The following TMEM74 variants were observed in gnomAD, a reference collection of about 807,000 sequenced individuals.
TMEM74 encodes transmembrane protein 74.
A neutral mutation model predicts 18.1 loss-of-function variants in TMEM74; 13 were observed. The observed-to-expected ratio is 0.72, with a 90% CI of 0.47 to 1.14. TMEM74 has a LOEUF of 1.14. Among genes scored for constraint, TMEM74 ranks in the 50% most tolerant of loss-of-function variants. The probability of loss-of-function intolerance (pLI) is 0.00; values close to 1 mark genes in which losing one functional copy is unlikely to be tolerated. For synonymous variants in TMEM74, 159 were observed against 146.6 expected (o/e 1.08, Z -0.61); for missense variants, 372 against 375.9 (o/e 0.99, Z 0.09).
chr8:108,727,421 A>G (rs992679368), intron 1 of TMEM74, among the ~76,000 whole-genome samples: 1 of 152,214 alleles, frequency 6.6e-6, no homozygotes, highest in Non-Finnish European at 1.5e-5. Context: ...CATAGAGTCA[A>G]GAGAACTTGC....
Position 108,629,733 on chromosome 8 carries a change from A to T in TMEM74, n.265-20907T>A, listed in dbSNP as rs550727046. 3.3e-3 allele frequency among the ~76,000 whole-genome samples: 507 copies of T among 152,080 alleles called. 1 individual carries two copies. The highest frequency in any genetic ancestry group is 5.4e-3 in the Non-Finnish European group (364 of 67,922). ...CCCAGAATTTTATATCTGGTCAAACAAAGCTTTATAAGCAAAGGAGAAATA... is the reference window on the plus strand; with the variant it reads ...CCCAGAATTTTATATCTGGTCAAACTAAGCTTTATAAGCAAAGGAGAAATA... On this transcript the variant is annotated intron_variant and non_coding_transcript_variant, in intron 2 of 3. Coordinates refer to the TMEM74 transcript ENST00000518838.
chr8:108,644,269 A>G (rs1812694254), intron 2 of TMEM74, among the ~76,000 whole-genome samples: 1 of 152,222 alleles, frequency 6.6e-6, no homozygotes, highest in Non-Finnish European at 1.5e-5. Flanking sequence ...TCCCTGTTCA[A>G]TAAATGCTGT....
At chr8:108,738,541 C>T (rs932714718) in intron 1 of TMEM74, among the ~76,000 whole-genome samples, 1 of 152,172 alleles carries the variant, frequency 6.6e-6, no homozygotes, top group African/African-American at 2.4e-5. Context: ...AGGCATTACA[C>T]CTGTTTCTGT....
intron 2 of TMEM74, among the ~76,000 whole-genome samples, chr8:108,627,927 T>C (rs1055184171): frequency 6.6e-6 from 1 of 151,888 alleles, no homozygotes; most frequent in Non-Finnish European, 1.5e-5. Flanking sequence ...TGGTGGTGCA[T>C]GCCTGTAATC....
At chr8:108,662,180 G>A (rs932187984) in intron 1 of TMEM74, among the ~76,000 whole-genome samples, 2 of 151,994 alleles carry the variant, frequency 1.3e-5, no homozygotes, top group African/African-American at 4.8e-5. Flanking sequence ...AGGTGGAAAA[G>A]TTGAGGAGGT....
intron 1 of TMEM74, among the ~76,000 whole-genome samples, chr8:108,676,091 A>C (rs193274086): frequency 3.3e-5 from 5 of 152,266 alleles, no homozygotes; most frequent in Admixed American, 1.3e-4. Flanking sequence ...AAAGAGGAGG[A>C]TATTCAAGGG....
intron 1 of TMEM74, among the ~76,000 whole-genome samples, chr8:108,739,263 C>T (rs973968693): frequency 3.3e-5 from 5 of 152,104 alleles, no homozygotes. Flanking sequence ...CTGAAAGTAA[C>T]ACAAGATAAA....
chr8:108,667,738 C>T (rs1036510059), intron 1 of TMEM74, among the ~76,000 whole-genome samples: 1 of 152,082 alleles, frequency 6.6e-6, no homozygotes, highest in African/African-American at 2.4e-5. Context: ...GAATTCCTAG[C>T]TCTAATTCAT....
chr8:108,736,463 T>C (rs182047937), intron 1 of TMEM74, among the ~76,000 whole-genome samples: 1 of 152,278 alleles, frequency 6.6e-6, no homozygotes. Context: ...GTTATTAGTC[T>C]ACATGCCACT....
At chr8:108,718,110 C>T (rs1039625497) in intron 1 of TMEM74, among the ~76,000 whole-genome samples, 2 of 111,198 alleles carry the variant, frequency 1.8e-5, no homozygotes, top group Admixed American at 8.7e-5. Flanking sequence ...AGGCGCCCGC[C>T]ACTACGCCCG....
At chr8:108,759,808 G>A (rs1814020442) in intron 1 of TMEM74, among the ~76,000 whole-genome samples, 1 of 152,108 alleles carries the variant, frequency 6.6e-6, no homozygotes, top group Non-Finnish European at 1.5e-5. Flanking sequence ...TATATGCTTT[G>A]TACAAAAATG....
chr8:108,757,816 A>G (rs1813995035), intron 1 of TMEM74, among the ~76,000 whole-genome samples: 1 of 151,944 alleles, frequency 6.6e-6, no homozygotes, highest in African/African-American at 2.4e-5. Flanking sequence ...AATCAGGAGA[A>G]ATGTCCCCTT....
intron 1 of TMEM74, among the ~76,000 whole-genome samples, chr8:108,699,557 CA>C (rs1372647781): frequency 6.6e-6 from 1 of 152,002 alleles, no homozygotes; most frequent in African/African-American, 2.4e-5. Flanking sequence ...ATTTGGGGAA[CA>C]ATTATATTGA....
intron 1 of TMEM74, among the ~76,000 whole-genome samples, chr8:108,677,319 T>C (rs1563523285): frequency 6.6e-6 from 1 of 152,140 alleles, no homozygotes; most frequent in East Asian, 1.9e-4. Context: ...TAAACAAATG[T>C]GTTAATACTG....
intron 1 of TMEM74, among the ~76,000 whole-genome samples, chr8:108,685,494 T>C (rs193024251): frequency 4.6e-5 from 7 of 152,220 alleles, no homozygotes; most frequent in Admixed American, 3.9e-4. Flanking sequence ...GAAGTCAAGC[T>C]AAAAATAAGT....
intron 1 of TMEM74, among the ~76,000 whole-genome samples, chr8:108,680,588 T>C (rs1021762713): frequency 2.0e-5 from 3 of 152,166 alleles, no homozygotes; most frequent in African/African-American, 4.8e-5. Context: ...CTGGAAGCAT[T>C]CCCTTTGAAA....
At chr8:108,676,902 G>C (rs960856763) in intron 1 of TMEM74, among the ~76,000 whole-genome samples, 1 of 152,172 alleles carries the variant, frequency 6.6e-6, no homozygotes, top group African/African-American at 2.4e-5. Flanking sequence ...CTGAATGAAA[G>C]AATCAATAAA....
intron 1 of TMEM74, among the ~76,000 whole-genome samples, chr8:108,680,394 A>C (rs1306439912): frequency 2.6e-5 from 4 of 152,246 alleles, no homozygotes; most frequent in Non-Finnish European, 5.9e-5. Flanking sequence ...TCCAGCATAT[A>C]AACAGAACCA....
At chr8:108,650,119 G>T (rs1812759341) in intron 2 of TMEM74, among the ~76,000 whole-genome samples, 1 of 151,958 alleles carries the variant, frequency 6.6e-6, no homozygotes, top group African/African-American at 2.4e-5. Flanking sequence ...ATCTCTACTG[G>T]GTATCCAATA....
Sources: allele counts gnomAD v4.1 joint callset (sites outside exome capture counted in the v4.1 genomes callset), GRCh38; gene constraint gnomAD v4.1.1; transcripts MANE v1.5; gene names NCBI Gene and HGNC (gene_info 2026-07-23, HGNC 2026-07-21).